ZNF541: variants seen among roughly 807,000 people sequenced by gnomAD.
The protein encoded by ZNF541 is zinc finger protein 541.
ZNF541 carries 23 observed loss-of-function variants against 123.5 expected under a neutral mutation model. The ratio of observed to expected loss-of-function variants is 0.19; its 90% CI spans 0.13 to 0.26. ZNF541 has a LOEUF of 0.26. Among genes scored for constraint, ZNF541 ranks in the 10% least tolerant of loss-of-function variants. The pLI is 1.00. For synonymous variants in ZNF541, 751 were observed against 754.5 expected (o/e 1.00, Z 0.08); for missense variants, 1,612 against 1,789.9 (o/e 0.90, Z 1.79).
chr19:47,526,457 G>C (rs2122888102), intron 14 of ZNF541, among the ~76,000 whole-genome samples: 1 of 140,384 alleles, frequency 7.1e-6, no homozygotes, highest in Non-Finnish European at 1.5e-5. Context: ...ATTCCAGCCT[G>C]GGCAACAGAG....
chr19:47,539,498 C>T (rs1162496590), intron 8 of ZNF541, among the ~76,000 whole-genome samples: 1 of 151,960 alleles, frequency 6.6e-6, no homozygotes, highest in Admixed American at 6.6e-5. Flanking sequence ...CACAGGGTTT[C>T]ACCATGTTGC....
chr19:47,559,261 AC>A (rs1298487500), intron 2 of ZNF541, among the ~76,000 whole-genome samples: 3 of 151,756 alleles, frequency 2.0e-5, no homozygotes, highest in Non-Finnish European at 4.4e-5. Context: ...AATCTCAGCT[AC>A]TCAGGAGGCT....
chr19:47,544,258 G>T lies in ZNF541; in HGVS notation c.2271C>A (p.Phe757Leu), dbSNP rs1265353666. 3.9e-6 allele frequency: 6 copies of T among 1,551,602 alleles called. No homozygotes were observed. The highest frequency in any genetic ancestry group is 3.5e-6 in the Non-Finnish European group (4 of 1,147,016). The change falls in exon 5 of 17, where the codon TTC becomes TTA. Residue 757 changes from phenylalanine to leucine, a missense_variant. Phe to Leu is a conservative substitution (Grantham distance 22). Transcript: ENST00000391901. ...TATCCATCTTCGCCTTCTCTTTCCG[G>T]AAGCCGGAGAATCGCGGGGCCCTGG... ...GNPRAPRFSG[F>L]RKEKAKMDMC... is the part of the protein sequence containing the mutation.
chr19:47,545,438 T>C lies in ZNF541; in HGVS notation c.1091A>G (p.Asp364Gly). Residue 364 changes from aspartate to glycine, a missense_variant, in exon 5 of 17, where the codon GAC (aspartate) becomes GGC (glycine). Physicochemically the swap from Asp to Gly is moderately conservative, Grantham distance 94. Around this residue, in one of 5 missense-constraint regions of ZNF541, gnomAD observed 1,080 missense variants for 1,013.8 expected, o/e 1.07. Transcript: ENST00000391901. The surrounding 1 kb of genome is among the most constrained non-coding windows in gnomAD (Gnocchi z 7.5). ...GGTATCTGGCTCCGGCTCTGGCGGG[T>C]CGGGGGCGCCGTTCTCGGCGGCCCT... ...NSRAAENGAP[D>G]PPEPEPDTAL... is the part of the protein sequence containing the mutation. The C allele has an allele frequency of 8.8e-6, 13 of 1,475,974 alleles. No individual in the cohort carries two copies. Among genetic ancestry groups the C allele is most frequent in the Non-Finnish European group, 1.1e-5 (12 of 1,110,808 alleles). The allele number at this position is 1,475,974 out of a possible 1,614,324, so 91.4% of individuals were successfully genotyped here.
At chr19:47,562,693 G>C (rs1336493596) in intron 2 of ZNF541, among the ~76,000 whole-genome samples, 2 of 152,180 alleles carry the variant, frequency 1.3e-5, no homozygotes, top group Non-Finnish European at 2.9e-5. Context: ...AGCCCCTTCA[G>C]ATGGCCATCT....
intron 2 of ZNF541, among the ~76,000 whole-genome samples, chr19:47,556,472 G>A (rs929243074): frequency 2.0e-5 from 3 of 152,084 alleles, no homozygotes; most frequent in African/African-American, 7.2e-5. Flanking sequence ...ATATCAAATC[G>A]AAAATGGATA....
At chr19:47,570,730 A>G (rs1427949976) in intron 2 of ZNF541, among the ~76,000 whole-genome samples, 1 of 152,046 alleles carries the variant, frequency 6.6e-6, no homozygotes, top group Non-Finnish European at 1.5e-5. Context: ...AAGTTTACAT[A>G]AACAAAAATT....
At position 47,572,905 on chromosome 19, in the gene ZNF541, T is replaced by C. The variant is rs999205239; in HGVS notation, c.-246+178A>G. Among the ~76,000 whole-genome samples, 62 of 151,144 alleles carry C rather than the reference T, an allele frequency of 4.1e-4. 1 individual carries two copies. The highest frequency in any genetic ancestry group is 1.5e-3 in the African/African-American group (60 of 41,086). The stretch of plus-strand genomic sequence containing the variant: ...CAGAAGATGCGTGCGTGACGCAGGG[T>C]GAGGGGCGCCCGCCGCGCCTGCTGC... On this transcript the variant is annotated intron_variant, in intron 1 of 16. Coordinates refer to ENST00000391901, the MANE Select transcript of ZNF541 (RefSeq NM_001277075.3).
Position 47,545,326 on chromosome 19 carries a change from C to T in ZNF541, c.1203G>A (p.Thr401=), listed in dbSNP as rs1970291649. The T allele has an allele frequency of 1.9e-6, 3 of 1,548,218 alleles. No homozygotes were observed. Among genetic ancestry groups the T allele is most frequent in the Non-Finnish European group, 2.6e-6 (3 of 1,146,126 alleles). The change falls in exon 5 of 17, where the codon ACG becomes ACA. Residue 401 remains threonine (T), a synonymous_variant. Transcript: ENST00000391901. The surrounding 1 kb of genome is among the most constrained non-coding windows in gnomAD (Gnocchi z 7.5). ...PACLPLFRGQ[T]VPASSQPSSH... is the part of the protein sequence containing the mutation. Reference sequence around the variant, plus strand: ...TCGATGGCTGGGAACTGGCAGGGACCGTCTGGCCTCGGAAGAGAGGCAGGC... The same window carrying T: ...TCGATGGCTGGGAACTGGCAGGGACTGTCTGGCCTCGGAAGAGAGGCAGGC...
At chr19:47,564,691 C>G (rs943538120) in intron 2 of ZNF541, among the ~76,000 whole-genome samples, 10 of 152,060 alleles carry the variant, frequency 6.6e-5, no homozygotes, top group African/African-American at 2.2e-4. Context: ...GAACAAGAAA[C>G]CTTTCTACAC....
intron 2 of ZNF541, among the ~76,000 whole-genome samples, chr19:47,557,488 T>A (rs2123312940): frequency 6.6e-6 from 1 of 151,890 alleles, no homozygotes; most frequent in East Asian, 1.9e-4. Context: ...AATAAGAATA[T>A]CATCAGTGGA....
chr19:47,570,655 T>G (rs1360841468), intron 2 of ZNF541, among the ~76,000 whole-genome samples: 1 of 150,556 alleles, frequency 6.6e-6, no homozygotes, highest in Non-Finnish European at 1.5e-5. Context: ...CCTTTTAAAA[T>G]CAATTAATAA....
intron 14 of ZNF541, among the ~76,000 whole-genome samples, chr19:47,528,269 T>G (rs1217481757): frequency 7.3e-6 from 1 of 136,204 alleles, no homozygotes; most frequent in Non-Finnish European, 1.6e-5. Flanking sequence ...GAGCCAAGAT[T>G]GCGCCACTGC....
At chr19:47,551,537 AATTTTT>A (rs1410584730) in intron 3 of ZNF541, among the ~76,000 whole-genome samples, 2 of 151,704 alleles carry the variant, frequency 1.3e-5, no homozygotes, top group South Asian at 2.1e-4. Context: ...ATGCCCAGCT[AATTTTT>A]ATTTTTATTT....
chr19:47,568,327 A>G (rs1971345433), intron 2 of ZNF541, among the ~76,000 whole-genome samples: 1 of 151,286 alleles, frequency 6.6e-6, no homozygotes, highest in South Asian at 2.1e-4. Flanking sequence ...CACCCTAGCT[A>G]TGCAATTTCC....
chr19:47,550,626 G>A (rs540923886), intron 3 of ZNF541, among the ~76,000 whole-genome samples: 1 of 152,314 alleles, frequency 6.6e-6, no homozygotes. Context: ...AGTTTGGAGA[G>A]GTCAGACGTC....
chr19:47,521,686 C>A lies in ZNF541; in HGVS notation c.3712-32G>T. On this transcript the variant is annotated intron_variant, in intron 15 of 16. Coordinates refer to ENST00000391901, the MANE Select transcript of ZNF541 (RefSeq NM_001277075.3). The surrounding 1 kb of genome is among the most constrained non-coding windows in gnomAD (Gnocchi z 4.2). ...AGGGAGCAAAAGTGACATAAGGGTG[C>A]TGACCTGTCCTGCTGTAAGAGAGAC... 6.5e-7 allele frequency: 1 copy of A among 1,547,776 alleles called. No homozygotes were observed. The highest frequency in any genetic ancestry group is 1.2e-5 in the South Asian group (1 of 83,574).
At chr19:47,531,087 T>C (rs1449545942) in intron 12 of ZNF541, among the ~76,000 whole-genome samples, 1 of 152,104 alleles carries the variant, frequency 6.6e-6, no homozygotes, top group East Asian at 1.9e-4. Context: ...GAGGACCTGC[T>C]ATATGCCAGA....
chr19:47,542,950 A>G (rs769243676), intron 5 of ZNF541, among the ~76,000 whole-genome samples: 4 of 152,016 alleles, frequency 2.6e-5, no homozygotes, highest in Non-Finnish European at 5.9e-5. Context: ...TCATAAATAA[A>G]TAAATAAAAT....
Sources: allele counts gnomAD v4.1 joint callset (sites outside exome capture counted in the v4.1 genomes callset), GRCh38; gene constraint gnomAD v4.1.1; regional missense constraint gnomAD v4.1.1; non-coding constraint Gnocchi (gnomAD v3.1); transcripts MANE v1.5; gene names NCBI Gene and HGNC (gene_info 2026-07-23, HGNC 2026-07-21).